TMEM273: variants seen among roughly 807,000 people sequenced by gnomAD.
TMEM273 encodes chromosome 10 open reading frame 128.
Under a neutral mutation model 17.9 loss-of-function variants are expected in TMEM273, and 19 were observed. That is an observed-to-expected ratio of 1.06 (90% CI 0.74 to 1.55). The LOEUF (loss-of-function observed/expected upper bound fraction) is 1.55, where lower values mean the gene tolerates loss of function less well. Among genes scored for constraint, TMEM273 ranks in the 40% most tolerant of loss-of-function variants. The probability of loss-of-function intolerance (pLI) is 0.00; values close to 1 mark genes in which losing one functional copy is unlikely to be tolerated. For missense variants in TMEM273, 194 were observed against 155.6 expected (o/e 1.25, Z -1.31); for synonymous variants, 66 against 62.0 (o/e 1.07, Z -0.31).
intron 6 of TMEM273, among the ~76,000 whole-genome samples, chr10:49,158,593 A>G (rs1284693634): frequency 1.3e-5 from 2 of 152,230 alleles, no homozygotes; most frequent in Non-Finnish European, 2.9e-5. Flanking sequence ...AAGGTAGAGC[A>G]CACCAGGAAG....
intron 2 of TMEM273, 28 bp downstream of exon 2, chr10:49,167,881 G>A (rs1215696009): frequency 2.5e-6 from 4 of 1,613,350 alleles, no homozygotes; most frequent in Non-Finnish European, 2.5e-6. Context: ...CTGACCCTGT[G>A]CACAGAATAA....
intron 1 of TMEM273, among the ~76,000 whole-genome samples, chr10:49,186,071 A>AGAAGAAGAAGAG (rs1847674761): frequency 7.3e-6 from 1 of 136,144 alleles, no homozygotes; most frequent in African/African-American, 3.0e-5. Flanking sequence ...AAGAAGAGGA[A>AGAAGAAGAAGAG]GAAGAAGAAG....
intron 1 of TMEM273, among the ~76,000 whole-genome samples, chr10:49,178,793 C>G (rs1275275257): frequency 1.3e-5 from 2 of 152,188 alleles, no homozygotes; most frequent in African/African-American, 4.8e-5. Context: ...TTGCAACTGT[C>G]CCCTGTAGAC....
chr10:49,165,089 T>C (rs1481408813), intron 5 of TMEM273, 116 bp downstream of exon 5: 4 of 1,391,714 alleles, frequency 2.9e-6, no homozygotes, highest in South Asian at 1.6e-5. Flanking sequence ...AAAAAACCCA[T>C]GCAAAATAGA....
In TMEM273 at chr10:49,165,812, C is replaced by G; in HGVS notation, c.239-16G>C. The G allele has an allele frequency of 4.3e-6, 7 of 1,614,100 alleles. No individual in the cohort carries two copies. The highest frequency in any genetic ancestry group is 1.3e-5 in the African/African-American group (1 of 75,024). ...GGGATGGTGTCTAAACAGAGAAAGC[C>G]GGGCATTAGGAAGGGGGTCGTGTGA... On this transcript the variant is annotated splice_polypyrimidine_tract_variant and intron_variant, in intron 3 of 6. Coordinates refer to ENST00000374153, the MANE Select transcript of TMEM273 (RefSeq NM_001288740.3).
chr10:49,172,664 T>C (rs1267902185), intron 1 of TMEM273, among the ~76,000 whole-genome samples: 1 of 152,228 alleles, frequency 6.6e-6, no homozygotes, highest in Non-Finnish European at 1.5e-5. Flanking sequence ...GCTCAGCCAG[T>C]GGCCTTGGAC....
At chr10:49,186,038 A>AAGAAGAAGAG (rs1847653706) in intron 1 of TMEM273, among the ~76,000 whole-genome samples, 2 of 116,000 alleles carry the variant, frequency 1.7e-5, no homozygotes, top group African/African-American at 6.0e-5. Context: ...AAGAAGAAAA[A>AAGAAGAAGAG]GAAGAAGAAG....
intron 6 of TMEM273, 87 bp from the exon 7 acceptor site, chr10:49,155,996 T>G (rs1215630920): frequency 1.2e-6 from 2 of 1,609,254 alleles, no homozygotes; most frequent in Non-Finnish European, 1.7e-6. Context: ...TTCACACAAT[T>G]AAACAGGTAT....
chr10:49,162,926 A>G (rs1037222531), intron 5 of TMEM273, among the ~76,000 whole-genome samples: 1 of 152,100 alleles, frequency 6.6e-6, no homozygotes, highest in Non-Finnish European at 1.5e-5. Context: ...AACCCTTATA[A>G]TGGCCAGTCC....
intron 3 of TMEM273, chr10:49,166,321 C>T (rs929274281): frequency 6.0e-5 from 12 of 200,148 alleles, no homozygotes; most frequent in Middle Eastern, 2.0e-3. Flanking sequence ...CTCAGTTTCT[C>T]TCTGAGGGCC....
chr10:49,184,055 G>A (rs1847517448), intron 1 of TMEM273, among the ~76,000 whole-genome samples: 1 of 152,012 alleles, frequency 6.6e-6, no homozygotes, highest in African/African-American at 2.4e-5. Context: ...AATAGACATA[G>A]AATATGTTTG....
chr10:49,165,338 G>T, intron 4 of TMEM273, 55 bp from the exon 5 acceptor site: 1 of 1,550,276 alleles, frequency 6.5e-7, no homozygotes, highest in South Asian at 1.2e-5. Context: ...TCCCAAGGCA[G>T]GACCGTCCCT....
rs1437350904 is a variant in TMEM273 at position 49,167,897 on chromosome 10, G to T, written c.97+12C>A. ...TGACCCTGTGCACAGAATAACATGG[G>T]CAGCCACGTACCAATTTCAGCCCCA... On this transcript the variant is annotated intron_variant, in intron 2 of 6. Coordinates refer to ENST00000374153, the MANE Select transcript of TMEM273 (RefSeq NM_001288740.3). The T allele has an allele frequency of 6.2e-7, 1 of 1,613,946 alleles. No homozygotes were observed. Among genetic ancestry groups the T allele is most frequent in the South Asian group, 1.1e-5 (1 of 91,080 alleles).
chr10:49,186,499 G>A (rs896613895), intron 1 of TMEM273, among the ~76,000 whole-genome samples: 5 of 152,214 alleles, frequency 3.3e-5, no homozygotes, highest in Non-Finnish European at 7.3e-5. Context: ...GCCCTCTGGA[G>A]AGAGTGAATA....
chr10:49,167,579 G>A (rs536713319), intron 2 of TMEM273, among the ~76,000 whole-genome samples: 1,524 of 152,320 alleles, frequency 0.01, 26 homozygotes, highest in African/African-American at 0.034. Context: ...CTGGAAGCTC[G>A]CAGGTGGAGG....
chr10:49,173,890 T>G (rs1846760848), intron 1 of TMEM273, among the ~76,000 whole-genome samples: 2 of 152,228 alleles, frequency 1.3e-5, no homozygotes, highest in African/African-American at 4.8e-5. Context: ...CCCCTGTGGC[T>G]CTGAGACCAT....
At chr10:49,187,232 T>G (rs1044163358) in intron 1 of TMEM273, among the ~76,000 whole-genome samples, 1 of 152,186 alleles carries the variant, frequency 6.6e-6, no homozygotes, top group African/African-American at 2.4e-5. Context: ...CCCTTCACAG[T>G]CACTGCCAAC....
intron 6 of TMEM273, 182 bp from the exon 7 acceptor site, chr10:49,156,091 A>G: frequency 6.5e-7 from 1 of 1,543,116 alleles, no homozygotes; most frequent in Non-Finnish European, 8.8e-7. Flanking sequence ...TTCTGGGTAA[A>G]GGGGAGAGCT....
At chr10:49,170,833 C>A (rs1846515648) in intron 1 of TMEM273, among the ~76,000 whole-genome samples, 1 of 152,198 alleles carries the variant, frequency 6.6e-6, no homozygotes, top group Non-Finnish European at 1.5e-5. Flanking sequence ...CTGGCCGGCC[C>A]CACCCCTGCA....
Sources: gnomAD v4.1 joint callset for allele counts (sites outside exome capture counted in the v4.1 genomes callset) on GRCh38, gnomAD v4.1.1 for gene constraint, MANE v1.5 for transcripts, NCBI Gene and HGNC (gene_info 2026-07-23, HGNC 2026-07-21) for gene names.